Variants in PCDHA11 observed in about 807,000 individuals in gnomAD.
PCDHA11 encodes protocadherin alpha-11.
In PCDHA11, 61 loss-of-function variants were observed where a neutral mutation model predicts 70.3. The observed-to-expected ratio is 0.87, with a 90% CI of 0.71 to 1.07. The LOEUF (loss-of-function observed/expected upper bound fraction) is 1.07. PCDHA11 is among the 50% of genes least tolerant of loss of function. The pLI, the probability that PCDHA11 is intolerant of heterozygous loss-of-function variation, is 0.00. For synonymous variants in PCDHA11, 633 were observed against 555.1 expected (o/e 1.14, Z -1.97); for missense variants, 1,324 against 1,237.5 (o/e 1.07, Z -1.05).
intron 1 of PCDHA11, among the ~76,000 whole-genome samples, chr5:140,898,811 C>T (rs1277456601): frequency 6.6e-6 from 1 of 152,190 alleles, no homozygotes; most frequent in Non-Finnish European, 1.5e-5. Context: ...ACTGATTCTT[C>T]CTACCCATGA....
intron 1 of PCDHA11, among the ~76,000 whole-genome samples, chr5:140,944,014 C>A (rs1205860914): frequency 1.3e-5 from 2 of 152,022 alleles, no homozygotes; most frequent in African/African-American, 2.4e-5. Context: ...CCCCCAAAAG[C>A]AATTATCTTC....
rs563512273 is a variant in PCDHA11 at position 140,921,751 on chromosome 5, A to G, written c.2391+50257A>G. Among the ~76,000 whole-genome samples, 11 of 152,290 alleles carry G rather than the reference A, an allele frequency of 7.2e-5. No homozygotes were observed. The East Asian group carries it at 7.7e-4, about 11-fold the overall frequency. On this transcript the variant is annotated intron_variant, in intron 1 of 3. Coordinates refer to ENST00000398640, the MANE Select transcript of PCDHA11 (RefSeq NM_018902.5). ...ATAAAAATTATAAGCATAACAGGAC[A>G]CTTCTTGGCTACTATTCAATACTGA...
rs782094054 is a variant in PCDHA11 at position 140,869,167 on chromosome 5, G to T, written c.64G>T (p.Glu22Ter). ...PRLQLWLLLL[E>*]FWEVGSGQLH... ...ACTACAGCTCTGGCTTCTCCTCCTC[G>T]AATTCTGGGAGGTGGGGAGCGGCCA... The change falls in exon 1 of 4, where the codon GAA (glutamate) becomes TAA (stop). Residue 22 changes from glutamate (E) to a stop codon, truncating the protein, a stop_gained. Coordinates refer to ENST00000398640, the MANE Select transcript of PCDHA11 (RefSeq NM_018902.5). LOFTEE classifies it high-confidence loss of function. 2 of 1,613,864 alleles carry T rather than the reference G, an allele frequency of 1.2e-6. No individual in the cohort carries two copies. Among genetic ancestry groups the T allele is most frequent in the East Asian group, 4.5e-5 (2 of 44,876 alleles).
chr5:140,931,993 T>C (rs1350907359), intron 1 of PCDHA11, among the ~76,000 whole-genome samples: 8 of 152,090 alleles, frequency 5.3e-5, no homozygotes, highest in Admixed American at 3.3e-4. Context: ...GCTCAAATTC[T>C]AAGTTCTTTC....
At chr5:140,926,692 C>T in intron 1 of PCDHA11, 1 of 737,896 alleles carries the variant, frequency 1.4e-6, no homozygotes, top group Non-Finnish European at 2.0e-6. Context: ...CCTAGCAAGC[C>T]CGGCTCCCAG....
chr5:140,885,083 C>T (rs1359793188), intron 1 of PCDHA11, among the ~76,000 whole-genome samples: 3 of 151,992 alleles, frequency 2.0e-5, no homozygotes, highest in Admixed American at 6.5e-5. Context: ...TAAAGAGCCC[C>T]ATAACTTTTC....
chr5:140,950,662 C>T (rs1347125277), intron 1 of PCDHA11, among the ~76,000 whole-genome samples: 1 of 152,030 alleles, frequency 6.6e-6, no homozygotes, highest in East Asian at 1.9e-4. Flanking sequence ...CTGAGTTTAT[C>T]AAACATGTAC....
At chr5:140,936,571 C>G (rs2153629502) in intron 1 of PCDHA11, among the ~76,000 whole-genome samples, 1 of 152,342 alleles carries the variant, frequency 6.6e-6, no homozygotes, top group African/African-American at 2.4e-5. Flanking sequence ...ATATTTTCCA[C>G]TTGTAAATCC....
intron 1 of PCDHA11, among the ~76,000 whole-genome samples, chr5:140,950,430 A>T (rs1312660380): frequency 6.6e-6 from 1 of 151,876 alleles, no homozygotes; most frequent in Admixed American, 6.6e-5. Context: ...TCTTCCACTT[A>T]AAAAAAATGT....
intron 1 of PCDHA11, among the ~76,000 whole-genome samples, chr5:140,948,548 A>G (rs1300192349): frequency 6.6e-6 from 1 of 151,532 alleles, no homozygotes; most frequent in Non-Finnish European, 1.5e-5. Flanking sequence ...TGCTCTGTCA[A>G]TTTTGTTAAG....
chr5:140,942,796 G>C (rs2093370095), intron 1 of PCDHA11, among the ~76,000 whole-genome samples: 1 of 152,002 alleles, frequency 6.6e-6, no homozygotes, highest in Non-Finnish European at 1.5e-5. Flanking sequence ...ACAAAGGCAT[G>C]TTTTCCACAA....
At chr5:140,998,687 C>T (rs922040842) in intron 3 of PCDHA11, among the ~76,000 whole-genome samples, 9 of 152,042 alleles carry the variant, frequency 5.9e-5, no homozygotes, top group Non-Finnish European at 1.5e-5. Flanking sequence ...GCCTCAGCCT[C>T]CCAAGTAGCT....
intron 1 of PCDHA11, among the ~76,000 whole-genome samples, chr5:140,951,776 T>C (rs1301757181): frequency 2.6e-5 from 4 of 152,140 alleles, no homozygotes; most frequent in East Asian, 1.9e-4. Context: ...CGTTCTTACA[T>C]TGCAAAATAC....
chr5:140,926,827 C>G, intron 1 of PCDHA11: 1 of 1,500,674 alleles, frequency 6.7e-7, no homozygotes, highest in Non-Finnish European at 8.9e-7. Context: ...CTCCAGGAGT[C>G]CGGAGCATGG....
intron 1 of PCDHA11, chr5:140,928,604 C>T: frequency 6.2e-7 from 1 of 1,614,198 alleles, no homozygotes; most frequent in Non-Finnish European, 8.5e-7. Context: ...GAAATTGTGC[C>T]CCGCTCTGCC....
At chr5:140,971,752 A>C (rs1367685618) in intron 1 of PCDHA11, among the ~76,000 whole-genome samples, 2 of 138,248 alleles carry the variant, frequency 1.4e-5, no homozygotes, top group Non-Finnish European at 3.3e-5. Context: ...TATATCTCAT[A>C]TTACTGAATC....
intron 1 of PCDHA11, among the ~76,000 whole-genome samples, chr5:140,962,103 T>C (rs1401131367): frequency 1.3e-5 from 2 of 152,020 alleles, no homozygotes; most frequent in African/African-American, 4.8e-5. Flanking sequence ...GCCAGGATGG[T>C]CTCGATCTCC....
chr5:140,965,173 G>A (rs1257436786), intron 1 of PCDHA11, among the ~76,000 whole-genome samples: 1 of 152,218 alleles, frequency 6.6e-6, no homozygotes, highest in African/African-American at 2.4e-5. Flanking sequence ...TTTAGTGAGT[G>A]CTTTTTTTGC....
intron 1 of PCDHA11, among the ~76,000 whole-genome samples, chr5:140,939,008 T>C (rs1348323675): frequency 6.6e-6 from 1 of 152,234 alleles, no homozygotes; most frequent in Non-Finnish European, 1.5e-5. Context: ...TTAAGAAGTG[T>C]TACTTTTCTT....
Sources: allele counts gnomAD v4.1 joint callset (sites outside exome capture counted in the v4.1 genomes callset), GRCh38; gene constraint gnomAD v4.1.1; transcripts MANE v1.5; gene names NCBI Gene and HGNC (gene_info 2026-07-23, HGNC 2026-07-21).